The following TMEM164 variants were observed in gnomAD, a reference collection of about 807,000 sequenced individuals.
The protein encoded by TMEM164 is RP13-360B22.2.
In TMEM164, 4 loss-of-function variants were observed where a neutral mutation model predicts 18.8. The ratio of observed to expected loss-of-function variants is 0.21; its 90% CI spans 0.10 to 0.49. The LOEUF is 0.49. Ranked by LOEUF, TMEM164 falls within the 20% of genes least tolerant of loss-of-function variation. TMEM164 has a pLI of 0.98. For missense variants in TMEM164, 108 were observed against 239.9 expected (o/e 0.45, Z 3.63); for synonymous variants, 86 against 101.7 (o/e 0.85, Z 0.93).
At chrX:110,098,025 C>A in intron 3 of TMEM164, among the ~76,000 whole-genome samples, 1 of 111,870 alleles carries the variant, frequency 8.9e-6, no homozygotes, top group East Asian at 2.8e-4. Context: ...AGAACTGCTC[C>A]ATCACTTCTA....
At chrX:110,084,444 G>C (rs1428560279) in intron 3 of TMEM164, among the ~76,000 whole-genome samples, 1 of 18,934 alleles carries the variant, frequency 5.3e-5, no homozygotes, top group Admixed American at 8.4e-4. Context: ...TATATATATA[G>C]TATATATATA....
chrX:110,057,358 T>G (rs1935888132), intron 2 of TMEM164, among the ~76,000 whole-genome samples: 1 of 111,375 alleles, frequency 9.0e-6, no homozygotes, highest in African/African-American at 3.3e-5. Flanking sequence ...TCCTTCTTTT[T>G]AAAGGCTGGA....
chrX:110,049,057 G>A (rs765910064), intron 2 of TMEM164, among the ~76,000 whole-genome samples: 175 of 112,394 alleles, frequency 1.6e-3, no homozygotes, highest in Admixed American at 6.4e-3. Context: ...TAATTGATAA[G>A]CATGTGGTTT....
chrX:110,144,016 CAG>C (rs988510070), intron 4 of TMEM164, among the ~76,000 whole-genome samples: 2 of 111,842 alleles, frequency 1.8e-5, no homozygotes, highest in African/African-American at 6.5e-5. Flanking sequence ...TTTGAGAATA[CAG>C]AGATTCCATT....
intron 2 of TMEM164, among the ~76,000 whole-genome samples, chrX:110,058,820 A>G (rs1179171899): frequency 1.9e-5 from 2 of 105,676 alleles, no homozygotes; most frequent in Non-Finnish European, 3.9e-5. Flanking sequence ...TAGTAGAGAC[A>G]GAGTTTTGCT....
At chrX:110,049,683 A>G (rs1305659009) in intron 2 of TMEM164, among the ~76,000 whole-genome samples, 1 of 111,524 alleles carries the variant, frequency 9.0e-6, no homozygotes, top group African/African-American at 3.3e-5. Context: ...GTTCAGAGGC[A>G]TTTAGGAGGA....
intron 3 of TMEM164, among the ~76,000 whole-genome samples, chrX:110,077,102 G>A (rs1157228727): frequency 8.9e-6 from 1 of 112,001 alleles, no homozygotes; most frequent in Non-Finnish European, 1.9e-5. Flanking sequence ...CTTTTTGTAG[G>A]TTTCAAAGTA....
chrX:110,046,969 C>G (rs185889282), intron 2 of TMEM164, among the ~76,000 whole-genome samples: 33 of 112,126 alleles, frequency 2.9e-4, no homozygotes, highest in African/African-American at 1.1e-3. Context: ...TATCCCAGAA[C>G]TATTGAGTCC....
At chrX:110,093,721 T>A (rs2147929681) in intron 3 of TMEM164, among the ~76,000 whole-genome samples, 1 of 111,500 alleles carries the variant, frequency 9.0e-6, no homozygotes, top group South Asian at 3.7e-4. Context: ...ATTTCTTGCC[T>A]TCCGCTAGCT....
At position 110,053,287 on chromosome X, in the gene TMEM164, G is replaced by A. The variant is rs757670483; in HGVS notation, c.391-14060G>A. On this transcript the variant is annotated intron_variant, in intron 2 of 6. Coordinates refer to ENST00000372068, the MANE Select transcript of TMEM164 (RefSeq NM_032227.4). ...CTTTAATTTTGGTTGACAGGGTGCC[G>A]TAGAAGACCTTTGCTAGCCAGACTG... 5.4e-5 allele frequency among the ~76,000 whole-genome samples: 6 copies of A among 111,582 alleles called. No individual in the cohort carries two copies. In the East Asian group the frequency reaches 1.4e-3, roughly 26 times the overall value.
chrX:110,055,426 C>A, intron 2 of TMEM164: 2 of 226,349 alleles, frequency 8.8e-6, no homozygotes, highest in Non-Finnish European at 1.8e-5. Context: ...ACAACCTACA[C>A]AACTGTACTC....
At chrX:110,153,482 G>T (rs751846381) in intron 5 of TMEM164, among the ~76,000 whole-genome samples, 2 of 111,954 alleles carry the variant, frequency 1.8e-5, no homozygotes, top group East Asian at 2.8e-4. Context: ...AGTACATCAC[G>T]TGAGGCCCAT....
chrX:110,099,514 C>G (rs1250632048), intron 3 of TMEM164, among the ~76,000 whole-genome samples: 1 of 112,322 alleles, frequency 8.9e-6, no homozygotes, highest in East Asian at 2.8e-4. Context: ...TTTCAAAAAT[C>G]AAATGATTAT....
intron 2 of TMEM164, among the ~76,000 whole-genome samples, chrX:110,045,164 G>A (rs1371910576): frequency 8.9e-6 from 1 of 111,789 alleles, no homozygotes; most frequent in Non-Finnish European, 1.9e-5. Flanking sequence ...AACGCTTGCA[G>A]AGAGATGGGC....
chrX:110,124,237 C>T (rs758333860), intron 4 of TMEM164, among the ~76,000 whole-genome samples: 5 of 108,014 alleles, frequency 4.6e-5, no homozygotes, highest in South Asian at 4.0e-4. Flanking sequence ...GCTGGCTGGA[C>T]GGAAAGAGGG....
intron 3 of TMEM164, among the ~76,000 whole-genome samples, chrX:110,108,068 C>CTGTGTGTGTG (rs56714507): frequency 0.03 from 1,376 of 46,349 alleles, 140 homozygotes; most frequent in African/African-American, 0.046. Context: ...AGGAGGTATG[C>CTGTGTGTGTG]TGTGTGTGTG....
intron 5 of TMEM164, among the ~76,000 whole-genome samples, chrX:110,151,711 A>T (rs1223377914): frequency 9.0e-6 from 1 of 111,565 alleles, no homozygotes; most frequent in Non-Finnish European, 1.9e-5. Context: ...TGAACCCAGG[A>T]GGTGGAGGTT....
In TMEM164 at chrX:110,156,083, T is replaced by A. The variant is rs1433597497; in HGVS notation, c.586+11207T>A. ...CTGTGCCCAGCTCATTACTTTACTT[T>A]CTGAATAAACTTATCTGCTGACAGG... is the stretch of plus-strand genomic sequence containing the variant. On this transcript the variant is annotated intron_variant, in intron 5 of 6. Coordinates refer to ENST00000372068, the MANE Select transcript of TMEM164 (RefSeq NM_032227.4). Among the ~76,000 whole-genome samples the A allele has an allele frequency of 4.5e-4, 50 of 111,676 alleles. No individual in the cohort carries two copies. The Admixed American group carries it at 4.7e-3, about 10-fold the overall frequency.
At chrX:110,037,358 C>T (rs1004801336) in intron 2 of TMEM164, among the ~76,000 whole-genome samples, 2 of 111,686 alleles carry the variant, frequency 1.8e-5, no homozygotes, top group African/African-American at 6.5e-5. Context: ...CTTTGCCAGG[C>T]GTATGAAGCT....
Sources: gnomAD v4.1 joint callset for allele counts (sites outside exome capture counted in the v4.1 genomes callset) on GRCh38, gnomAD v4.1.1 for gene constraint, MANE v1.5 for transcripts, NCBI Gene and HGNC (gene_info 2026-07-23, HGNC 2026-07-21) for gene names.